GRK4: variants seen among roughly 807,000 people sequenced by gnomAD.
GRK4 encodes G protein-coupled receptor kinase 4.
In GRK4, 73 loss-of-function variants were observed where a neutral mutation model predicts 77.9. The ratio of observed to expected loss-of-function variants is 0.94; its 90% CI spans 0.78 to 1.14. The LOEUF (loss-of-function observed/expected upper bound fraction) is 1.14, where lower values mean the gene tolerates loss of function less well. GRK4 is among the 50% of genes most tolerant of loss of function. The pLI is 0.00. For missense variants in GRK4, 729 were observed against 700.2 expected (o/e 1.04, Z -0.46); for synonymous variants, 257 against 254.4 (o/e 1.01, Z -0.10).
chr4:2,979,044 G>A (rs774044638), intron 1 of GRK4, among the ~76,000 whole-genome samples: 4 of 151,348 alleles, frequency 2.6e-5, no homozygotes, highest in Non-Finnish European at 5.9e-5. Context: ...CCTGGTTAAC[G>A]TGGTGAAACA....
intron 4 of GRK4, among the ~76,000 whole-genome samples, chr4:2,993,693 A>C (rs1726959469): frequency 6.6e-6 from 1 of 152,138 alleles, no homozygotes; most frequent in South Asian, 2.1e-4. Context: ...AAACAAAAAA[A>C]CACAAAAAAA....
At chr4:3,024,499 G>A (rs1011731715) in intron 10 of GRK4, among the ~76,000 whole-genome samples, 4 of 152,108 alleles carry the variant, frequency 2.6e-5, no homozygotes, top group Non-Finnish European at 5.9e-5. Flanking sequence ...GGGCTGTAGC[G>A]ATCCGCCTTG....
At chr4:3,002,006 G>T (rs1306842605) in intron 4 of GRK4, among the ~76,000 whole-genome samples, 1 of 152,202 alleles carries the variant, frequency 6.6e-6, no homozygotes, top group African/African-American at 2.4e-5. Context: ...GAGGGTTAAG[G>T]AGAGCAGGGC....
intron 9 of GRK4, among the ~76,000 whole-genome samples, chr4:3,022,060 G>A (rs1047407297): frequency 2.0e-5 from 3 of 152,100 alleles, no homozygotes; most frequent in African/African-American, 7.2e-5. Context: ...TCTAATATGG[G>A]GAATTTTCAG....
chr4:3,029,435 G>A, intron 12 of GRK4, 26 bp downstream of exon 12: 3 of 1,572,204 alleles, frequency 1.9e-6, no homozygotes, highest in Non-Finnish European at 2.6e-6. Flanking sequence ...TAGAGGCTGG[G>A]AAATGGCACT....
intron 3 of GRK4, among the ~76,000 whole-genome samples, chr4:2,989,209 C>T (rs547606168): frequency 4.6e-5 from 7 of 151,920 alleles, no homozygotes; most frequent in African/African-American, 1.7e-4. Flanking sequence ...AAAACTAGAC[C>T]TGGGCAATGA....
At chr4:3,015,192 C>T (rs1734079704) in intron 8 of GRK4, among the ~76,000 whole-genome samples, 1 of 152,166 alleles carries the variant, frequency 6.6e-6, no homozygotes, top group Admixed American at 6.5e-5. Context: ...TTTCTCTCTA[C>T]CTAATTACAT....
intron 12 of GRK4, among the ~76,000 whole-genome samples, chr4:3,032,014 G>T (rs1739317390): frequency 6.6e-6 from 1 of 152,102 alleles, no homozygotes; most frequent in African/African-American, 2.4e-5. Flanking sequence ...GGTCAGCCTG[G>T]AGTTCTCCCG....
chr4:3,031,479 C>G (rs1739152753), intron 12 of GRK4, among the ~76,000 whole-genome samples: 1 of 152,190 alleles, frequency 6.6e-6, no homozygotes, highest in Non-Finnish European at 1.5e-5. Flanking sequence ...CAGCAGGGAG[C>G]TGCACTCGCC....
intron 1 of GRK4, among the ~76,000 whole-genome samples, chr4:2,980,704 C>G (rs977071709): frequency 1.3e-5 from 2 of 152,282 alleles, no homozygotes; most frequent in South Asian, 4.1e-4. Context: ...GCCACATACC[C>G]GTGAACACAA....
intron 1 of GRK4, among the ~76,000 whole-genome samples, chr4:2,969,636 A>G (rs1297737278): frequency 6.6e-6 from 1 of 151,360 alleles, no homozygotes; most frequent in African/African-American, 2.4e-5. Context: ...TCGGCCTCCC[A>G]AAGTGCTAGG....
intron 12 of GRK4, among the ~76,000 whole-genome samples, chr4:3,030,869 T>C (rs1425820319): frequency 1.3e-5 from 2 of 151,950 alleles, no homozygotes; most frequent in African/African-American, 4.8e-5. Context: ...CAGGGCTCTG[T>C]GAAGAGTGAT....
chr4:3,014,792 G>A (rs781308975), intron 8 of GRK4, among the ~76,000 whole-genome samples: 54 of 151,500 alleles, frequency 3.6e-4, no homozygotes, highest in Non-Finnish European at 6.2e-4. Context: ...GCGAGACTCC[G>A]TTTCAAAAAA....
intron 3 of GRK4, among the ~76,000 whole-genome samples, chr4:2,991,586 C>T (rs1726192332): frequency 6.6e-6 from 1 of 152,220 alleles, no homozygotes; most frequent in South Asian, 2.1e-4. Context: ...TCTCGGCTCA[C>T]TGCAACCTCC....
chr4:3,013,756 A>G lies in GRK4; in HGVS notation c.669A>G (p.Ile223Met). The change falls in exon 8 of 16, where the codon ATA becomes ATG. Residue 223 changes from isoleucine (I) to methionine (M), a missense_variant. Ile to Met is a conservative substitution (Grantham distance 10). Coordinates refer to ENST00000398052, the MANE Select transcript of GRK4 (RefSeq NM_182982.3). ...GCAAAAAGCTACAAAAAAAAAGAAT[A>G]AAGAAGAGGAAAGGTGAAGCTATGG... is the stretch of plus-strand genomic sequence containing the variant. ...YACKKLQKKRIKKRKGEAMAL... is the reference protein window; with the variant it reads ...YACKKLQKKRMKKRKGEAMAL... 3 of 1,613,738 alleles carry G rather than the reference A, an allele frequency of 1.9e-6. No homozygotes were observed. The highest frequency in any genetic ancestry group is 2.5e-6 in the Non-Finnish European group (3 of 1,179,890).
At position 2,963,899 on chromosome 4, in the gene GRK4, G is replaced by C; in HGVS notation, c.-172G>C. The C allele has an allele frequency of 3.0e-6, 2 of 673,828 alleles. No individual in the cohort carries two copies. The highest frequency in any genetic ancestry group is 2.4e-5 in the Admixed American group (1 of 41,008). The allele number at this position is 673,828 out of a possible 1,614,324, so 41.7% of individuals were successfully genotyped here. On this transcript the variant is annotated 5_prime_UTR_variant, in exon 1 of 16. Coordinates refer to ENST00000398052, the MANE Select transcript of GRK4 (RefSeq NM_182982.3). The stretch of plus-strand genomic sequence containing the variant: ...AGGGCCTGCGGAGGCGGCGGCGGCG[G>C]CGCCCTTGGTGGCAGTGGTGGCGGC...
At chr4:3,015,651 G>A (rs1315957615) in intron 8 of GRK4, among the ~76,000 whole-genome samples, 7 of 149,640 alleles carry the variant, frequency 4.7e-5, no homozygotes, top group Non-Finnish European at 8.9e-5. Flanking sequence ...CTCCAGCCTG[G>A]GCAACAGAGC....
intron 2 of GRK4, among the ~76,000 whole-genome samples, 166 bp downstream of exon 2, chr4:2,984,774 A>T (rs76494575): frequency 0.045 from 6,850 of 152,076 alleles, 222 homozygotes; most frequent in African/African-American, 0.092. Context: ...AGATTTTCTG[A>T]TCTGCAGTTA....
rs138100796 is a variant in GRK4 at position 3,007,744 on chromosome 4, A to T, written c.452A>T (p.His151Leu). ...KAFEECTRVA[H>L]NYLRGEPFEE... ...AAAAAATCTTTTTCTAGAGTTGCCCATAACTACCTAAGAGGGGAACCATTT... is the reference window on the plus strand; with the variant it reads ...AAAAAATCTTTTTCTAGAGTTGCCCTTAACTACCTAAGAGGGGAACCATTT... The change falls in exon 6 of 16, where the codon CAT becomes CTT. Residue 151 changes from histidine (H) to leucine (L), a missense_variant. Coordinates refer to ENST00000398052, the MANE Select transcript of GRK4 (RefSeq NM_182982.3). 182 of 1,589,886 alleles carry T rather than the reference A, an allele frequency of 1.1e-4. No individual in the cohort carries two copies. In the African/African-American group the frequency reaches 2.2e-3, roughly 19 times the overall value.
Sources: gnomAD v4.1 joint callset for allele counts (sites outside exome capture counted in the v4.1 genomes callset) on GRCh38, gnomAD v4.1.1 for gene constraint, MANE v1.5 for transcripts, NCBI Gene and HGNC (gene_info 2026-07-23, HGNC 2026-07-21) for gene names.